The following SMURF1 variants were observed in gnomAD, a reference collection of about 807,000 sequenced individuals.
The protein encoded by SMURF1 is SMAD specific E3 ubiquitin protein ligase 1, also known as E3 ubiquitin-protein ligase SMURF1.
SMURF1 carries 44 observed loss-of-function variants against 98.0 expected under a neutral mutation model. The ratio of observed to expected loss-of-function variants is 0.45; its 90% confidence interval spans 0.35 to 0.58. SMURF1 has a LOEUF of 0.58. SMURF1 is among the 20% of genes least tolerant of loss of function. SMURF1 has a pLI of 0.00. For missense variants in SMURF1, 687 were observed against 938.4 expected (o/e 0.73, Z 3.50); for synonymous variants, 396 against 374.9 (o/e 1.06, Z -0.65).
At chr7:99,124,140 T>G (rs1797699422) in intron 1 of SMURF1, among the ~76,000 whole-genome samples, 1 of 152,204 alleles carries the variant, frequency 6.6e-6, no homozygotes, top group Non-Finnish European at 1.5e-5. Flanking sequence ...TCATGAAAAG[T>G]GCTTGGCCTC....
At chr7:99,046,526 A>G (rs1795581953) in intron 10 of SMURF1, among the ~76,000 whole-genome samples, 1 of 151,958 alleles carries the variant, frequency 6.6e-6, no homozygotes, top group South Asian at 2.1e-4. Flanking sequence ...TCAGAAGTTC[A>G]AGACCAGCCT....
intron 14 of SMURF1, 27 bp from the exon 15 acceptor site, chr7:99,037,214 G>A: frequency 6.2e-6 from 10 of 1,613,508 alleles, no homozygotes; most frequent in Non-Finnish European, 8.5e-6. Context: ...CAAGTTGGAT[G>A]CAACACCAAG....
At chr7:99,116,662 AT>A (rs932333986) in intron 1 of SMURF1, among the ~76,000 whole-genome samples, 2 of 152,242 alleles carry the variant, frequency 1.3e-5, no homozygotes, top group Non-Finnish European at 2.9e-5. Flanking sequence ...AACCAAAAAA[AT>A]ACAAGACTCA....
intron 1 of SMURF1, among the ~76,000 whole-genome samples, chr7:99,132,699 GACACACACACACACACACACAC>G (rs113194877): frequency 6.8e-6 from 1 of 147,292 alleles, no homozygotes; most frequent in African/African-American, 2.5e-5. Flanking sequence ...CAGACACACG[GACACACACACACACACACACAC>G]ACACAGAGGA....
intron 1 of SMURF1, among the ~76,000 whole-genome samples, chr7:99,135,564 T>C (rs1241439760): frequency 1.3e-5 from 2 of 152,262 alleles, no homozygotes; most frequent in African/African-American, 4.8e-5. Flanking sequence ...GAATGTTCCA[T>C]ATCAGAATAT....
intron 1 of SMURF1, among the ~76,000 whole-genome samples, chr7:99,086,439 G>A (rs1796682640): frequency 6.6e-6 from 1 of 151,266 alleles, no homozygotes; most frequent in South Asian, 2.1e-4. Context: ...TGGAGAAACT[G>A]GAACACTCCT....
Position 99,094,660 on chromosome 7 carries a change from G to GAA in SMURF1, c.56-32825_56-32824dup, listed in dbSNP as rs35297120. ...AAATGAAAATCTTAGGCAAGAAAAG[G>GAA]AAAAAAAAAAAAACTGTCACCTAAC... On this transcript the variant is annotated intron_variant, in intron 1 of 17. Coordinates refer to ENST00000361368, the MANE Select transcript of SMURF1 (RefSeq NM_181349.3). Among the ~76,000 whole-genome samples, 519 of 146,348 alleles carry GAA rather than the reference G, an allele frequency of 3.5e-3. 1 individual carries two copies. Among genetic ancestry groups the GAA allele is most frequent in the South Asian group, 0.021 (99 of 4,672 alleles).
chr7:99,088,976 C>T (rs144263952), intron 1 of SMURF1, among the ~76,000 whole-genome samples: 288 of 152,176 alleles, frequency 1.9e-3, no homozygotes, highest in African/African-American at 6.3e-3. Flanking sequence ...GAGGCTGAGG[C>T]GGGCAGATCA....
At chr7:99,040,669 C>G in intron 12 of SMURF1, 113 bp from the exon 13 acceptor site, 1 of 1,002,994 alleles carries the variant, frequency 1.0e-6, no homozygotes, top group South Asian at 3.1e-5. Context: ...ACCAGACCTA[C>G]TGACTCAGGG....
chr7:99,119,044 T>A (rs1011443756), intron 1 of SMURF1, among the ~76,000 whole-genome samples: 9 of 81,032 alleles, frequency 1.1e-4, no homozygotes, highest in East Asian at 7.5e-4. Context: ...TTTTTTTTTT[T>A]AGAGACAGGG....
intron 17 of SMURF1, among the ~76,000 whole-genome samples, chr7:99,032,133 T>G (rs1794919713): frequency 6.6e-6 from 1 of 152,154 alleles, no homozygotes; most frequent in South Asian, 2.1e-4. Flanking sequence ...CCAACAGGTG[T>G]GTGTACATAA....
chr7:99,044,131 G>A (rs972117150), intron 11 of SMURF1, among the ~76,000 whole-genome samples: 7 of 152,124 alleles, frequency 4.6e-5, no homozygotes, highest in African/African-American at 1.7e-4. Context: ...GGCCACCATG[G>A]TGAAACCCCA....
chr7:99,140,281 C>CTTTTTTTTTTTTTTTTTTTTTTTTTTTTT, intron 1 of SMURF1, among the ~76,000 whole-genome samples: 1 of 85,796 alleles, frequency 1.2e-5, no homozygotes, highest in Non-Finnish European at 2.1e-5. Context: ...CTTCAGTATC[C>CTTTTTTTTTTTTTTTTTTTTTTTTTTTTT]TTTTTTTTTT....
chr7:99,045,566 G>A (rs1795547033), intron 11 of SMURF1, 132 bp downstream of exon 11: 1 of 695,296 alleles, frequency 1.4e-6, no homozygotes, highest in African/African-American at 1.8e-5. Context: ...GTGCATGATG[G>A]CCCGACTGCT....
chr7:99,073,502 C>T (rs1356315049), intron 1 of SMURF1, among the ~76,000 whole-genome samples: 1 of 149,546 alleles, frequency 6.7e-6, no homozygotes, highest in Non-Finnish European at 1.5e-5. Flanking sequence ...CAGTGGCTCA[C>T]GCCTGTAATC....
intron 1 of SMURF1, among the ~76,000 whole-genome samples, chr7:99,063,961 G>A (rs1796130098): frequency 6.6e-6 from 1 of 152,034 alleles, no homozygotes. Flanking sequence ...GAGGCGGACG[G>A]ATTACTTGAC....
chr7:99,045,897 C>T (rs887386843), intron 10 of SMURF1, 96 bp from the exon 11 acceptor site: 11 of 879,122 alleles, frequency 1.3e-5, no homozygotes, highest in Non-Finnish European at 2.0e-5. Flanking sequence ...GAACACGCAT[C>T]CATTCCAATT....
intron 8 of SMURF1, chr7:99,050,817 A>C (rs1795729102): frequency 2.2e-6 from 2 of 895,116 alleles, no homozygotes; most frequent in Non-Finnish European, 3.4e-6. Context: ...ATTACCAAAA[A>C]TCATATTAGG....
chr7:99,115,664 G>T (rs573631806), intron 1 of SMURF1, among the ~76,000 whole-genome samples: 1 of 152,086 alleles, frequency 6.6e-6, no homozygotes, highest in Admixed American at 6.5e-5. Context: ...AACAAATTAG[G>T]TAACCCAGAT....
Sources: allele counts gnomAD v4.1 joint callset (sites outside exome capture counted in the v4.1 genomes callset), GRCh38; gene constraint gnomAD v4.1.1; transcripts MANE v1.5; gene names NCBI Gene and HGNC (gene_info 2026-07-23, HGNC 2026-07-21).